The following DPP10 variants were observed in gnomAD, a reference collection of about 807,000 sequenced individuals.
The protein encoded by DPP10 is dipeptidyl peptidase like 10, also known as inactive dipeptidyl peptidase 10.
Under a neutral mutation model 120.9 loss-of-function variants are expected in DPP10, and 33 were observed. The observed-to-expected ratio is 0.27, with a 90% CI of 0.21 to 0.37. DPP10 has a LOEUF of 0.37. Ranked by LOEUF, DPP10 falls within the 10% of genes least tolerant of loss-of-function variation. DPP10 has a pLI of 1.00. For missense variants in DPP10, 816 were observed against 942.8 expected, an observed-to-expected ratio of 0.87 and a Z score of 1.76; for synonymous variants, 337 against 326.1, an observed-to-expected ratio of 1.03 and a Z score of -0.36.
At chr2:114,852,126 G>T in intron 1 of DPP10, among the ~76,000 whole-genome samples, 1 of 120,926 alleles carries the variant, frequency 8.3e-6, no homozygotes. Context: ...ATTATTTTTT[G>T]GGAAATTTTT....
intron 1 of DPP10, among the ~76,000 whole-genome samples, chr2:114,853,581 G>A (rs1212431218): frequency 4.6e-5 from 7 of 152,118 alleles, no homozygotes; most frequent in Non-Finnish European, 5.9e-5. Flanking sequence ...GAAGAATAAG[G>A]TCTAATTTAC....
rs564731409 is a variant in DPP10 at position 114,709,812 on chromosome 2, C to G, written c.60+266974C>G. ...TCATTTCCTCCTTGCAGATGGATCC[C>G]TGAAAGCCTATTATCTTTAATATAA... On this transcript the variant is annotated intron_variant, in intron 1 of 25. Coordinates refer to ENST00000410059, the MANE Select transcript of DPP10 (RefSeq NM_020868.6). Among the ~76,000 whole-genome samples, 433 of 152,214 alleles carry G rather than the reference C, an allele frequency of 2.8e-3. 2 individuals carry two copies. Among genetic ancestry groups the G allele is most frequent in the Middle Eastern group, 0.01 (3 of 294 alleles).
chr2:115,821,197 C>T, intron 21 of DPP10, among the ~76,000 whole-genome samples: 1 of 152,128 alleles, frequency 6.6e-6, no homozygotes, highest in East Asian at 1.9e-4. Flanking sequence ...CAGGAAGGTG[C>T]ATTAAAGTAT....
At chr2:115,286,534 T>C (rs1318024844) in intron 1 of DPP10, among the ~76,000 whole-genome samples, 1 of 116,364 alleles carries the variant, frequency 8.6e-6, no homozygotes, top group Non-Finnish European at 1.8e-5. Flanking sequence ...ATAATATATA[T>C]ATATATAAAA....
At chr2:114,450,738 A>AG (rs1223438461) in intron 1 of DPP10, among the ~76,000 whole-genome samples, 1 of 152,062 alleles carries the variant, frequency 6.6e-6, no homozygotes, top group Non-Finnish European at 1.5e-5. Context: ...AAAAAAAAAA[A>AG]AAAAGGTTTT....
At chr2:114,656,712 C>G (rs1003722642) in intron 1 of DPP10, among the ~76,000 whole-genome samples, 3 of 151,898 alleles carry the variant, frequency 2.0e-5, no homozygotes, top group African/African-American at 7.3e-5. Context: ...GGTGATGGTG[C>G]CAAGTGACTG....
At chr2:114,462,766 G>A (rs1223061734) in intron 1 of DPP10, among the ~76,000 whole-genome samples, 1 of 152,112 alleles carries the variant, frequency 6.6e-6, no homozygotes, top group Admixed American at 6.5e-5. Flanking sequence ...CTTACGTGGT[G>A]GGGAATTATT....
At chr2:115,780,171 A>T (rs1682579059) in intron 15 of DPP10, among the ~76,000 whole-genome samples, 1 of 152,028 alleles carries the variant, frequency 6.6e-6, no homozygotes, top group Non-Finnish European at 1.5e-5. Flanking sequence ...TATTAAATAA[A>T]CAATTTGATA....
intron 3 of DPP10, among the ~76,000 whole-genome samples, chr2:115,458,591 ATATGTTT>A (rs534877123): frequency 6.6e-6 from 1 of 152,176 alleles, no homozygotes; most frequent in East Asian, 1.9e-4. Context: ...CTTTTACCTG[ATATGTTT>A]TAGGTTCAAT....
chr2:115,354,765 T>C (rs1214897210), intron 3 of DPP10, among the ~76,000 whole-genome samples: 1 of 152,060 alleles, frequency 6.6e-6, no homozygotes, highest in African/African-American at 2.4e-5. Flanking sequence ...ATGTTCTCAT[T>C]GTTCAACTCC....
At chr2:115,510,807 G>T (rs1033512988) in intron 4 of DPP10, among the ~76,000 whole-genome samples, 1 of 151,978 alleles carries the variant, frequency 6.6e-6, no homozygotes, top group African/African-American at 2.4e-5. Flanking sequence ...ATATTATTCA[G>T]TTTCTTAAAA....
intron 1 of DPP10, among the ~76,000 whole-genome samples, chr2:114,821,859 C>G (rs956846414): frequency 6.6e-6 from 1 of 152,186 alleles, no homozygotes; most frequent in African/African-American, 2.4e-5. Flanking sequence ...GAAGTTGGCT[C>G]CCACAGCCTT....
chr2:115,382,437 C>T (rs1041592949), intron 3 of DPP10, among the ~76,000 whole-genome samples: 2 of 152,220 alleles, frequency 1.3e-5, no homozygotes, highest in African/African-American at 4.8e-5. Context: ...TGCGCGCACC[C>T]ACTGACCTGC....
chr2:114,980,049 T>G (rs1019236024), intron 1 of DPP10, among the ~76,000 whole-genome samples: 4 of 152,126 alleles, frequency 2.6e-5, no homozygotes, highest in Non-Finnish European at 4.4e-5. Flanking sequence ...TTACATTATT[T>G]TAAACAAGTA....
At chr2:115,189,177 G>A (rs149108525) in intron 1 of DPP10, among the ~76,000 whole-genome samples, 67 of 152,348 alleles carry the variant, frequency 4.4e-4, no homozygotes, top group African/African-American at 1.4e-3. Flanking sequence ...CCCTGAACAA[G>A]GGAGGGGAAG....
In DPP10 at chr2:114,988,050, C is replaced by T. The variant is rs557261417; in HGVS notation, c.61-321189C>T. Among the ~76,000 whole-genome samples, 12 of 151,984 alleles carry T rather than the reference C, an allele frequency of 7.9e-5. No homozygotes were observed. The South Asian group carries it at 2.1e-3, about 26-fold the overall frequency. ...CGATCTCCTGACCTCGTGATCCGCC[C>T]GCCTCGGCCTCCCAAAGTGCTGGGA... On this transcript the variant is annotated intron_variant, in intron 1 of 25. Transcript: ENST00000410059.
chr2:115,355,754 A>G (rs971475038), intron 3 of DPP10, among the ~76,000 whole-genome samples: 5 of 152,208 alleles, frequency 3.3e-5, no homozygotes, highest in African/African-American at 1.2e-4. Context: ...GAAGGTGCCC[A>G]GTTTCAGCTT....
intron 1 of DPP10, chr2:114,835,278 C>T (rs551306766): frequency 6.9e-6 from 1 of 143,988 alleles, no homozygotes; most frequent in Non-Finnish European, 1.5e-5. Context: ...TATATATAGG[C>T]CATATCTACA....
intron 1 of DPP10, among the ~76,000 whole-genome samples, chr2:114,594,850 A>C (rs772887947): frequency 1.3e-5 from 2 of 150,434 alleles, no homozygotes; most frequent in South Asian, 4.3e-4. Context: ...TTGCTCTCTG[A>C]CTCTGCTTAC....
Sources: gnomAD v4.1 joint callset for allele counts (sites outside exome capture counted in the v4.1 genomes callset) on GRCh38, gnomAD v4.1.1 for gene constraint, MANE v1.5 for transcripts, NCBI Gene and HGNC (gene_info 2026-07-23, HGNC 2026-07-21) for gene names.